Variants in ZMYND11 observed in about 807,000 individuals in gnomAD.
The protein encoded by ZMYND11 is zinc finger MYND-type containing 11.
In ZMYND11, 9 loss-of-function variants were observed where a neutral mutation model predicts 84.9. The observed-to-expected ratio is 0.11, with a 90% confidence interval of 0.06 to 0.18. ZMYND11 has a LOEUF of 0.18. Among genes scored for constraint, ZMYND11 ranks in the 10% least tolerant of loss-of-function variants. The pLI is 1.00. For synonymous variants in ZMYND11, 250 were observed against 244.1 expected (o/e 1.02, Z -0.23); for missense variants, 409 against 761.0 (o/e 0.54, Z 5.44).
At chr10:239,378 G>GTCC (rs1950511377) in intron 6 of ZMYND11, 60 bp from the exon 7 acceptor site, 2 of 1,382,782 alleles carry the variant, frequency 1.4e-6, no homozygotes, top group Non-Finnish European at 2.1e-6. Flanking sequence ...TGTGAACTTA[G>GTCC]TCCAGACAAG....
intron 4 of ZMYND11, 132 bp from the exon 5 acceptor site, chr10:236,704 GAT>G (rs767583416): frequency 1.1e-4 from 74 of 685,400 alleles, no homozygotes; most frequent in Non-Finnish European, 1.6e-4. Context: ...ATTTCTGTCA[GAT>G]ATGTTGGAAA....
chr10:204,967 A>G (rs1208979850), intron 2 of ZMYND11, among the ~76,000 whole-genome samples: 2 of 151,812 alleles, frequency 1.3e-5, no homozygotes, highest in African/African-American at 2.4e-5. Context: ...TTCTTTGTCT[A>G]TGCTGTTTTG....
chr10:200,737 CTG>C (rs2131093540), intron 2 of ZMYND11, among the ~76,000 whole-genome samples: 1 of 152,226 alleles, frequency 6.6e-6, no homozygotes, highest in East Asian at 1.9e-4. Flanking sequence ...TTGAGGGTGG[CTG>C]TCTTGATGCC....
chr10:206,473 A>G (rs1944195263), intron 2 of ZMYND11, among the ~76,000 whole-genome samples: 1 of 152,224 alleles, frequency 6.6e-6, no homozygotes, highest in South Asian at 2.1e-4. Context: ...TTAAAATCTC[A>G]TAATTTTATA....
chr10:243,570 G>C (rs1951491571), intron 10 of ZMYND11, among the ~76,000 whole-genome samples: 1 of 152,144 alleles, frequency 6.6e-6, no homozygotes, highest in African/African-American at 2.4e-5. Flanking sequence ...TATTTTTAAA[G>C]AATATTTGGG....
intron 1 of ZMYND11, among the ~76,000 whole-genome samples, chr10:152,576 C>G (rs181423050): frequency 6.6e-6 from 1 of 152,232 alleles, no homozygotes; most frequent in East Asian, 1.9e-4. Flanking sequence ...TCCTTAGAGA[C>G]CTACAAAAAG....
chr10:245,129 T>TA (rs1951850409), intron 10 of ZMYND11, among the ~76,000 whole-genome samples: 1 of 152,174 alleles, frequency 6.6e-6, no homozygotes, highest in African/African-American at 2.4e-5. Context: ...TACTCTGCAT[T>TA]AGAGTTTAGT....
At chr10:199,830 CT>C (rs34799298) in intron 2 of ZMYND11, among the ~76,000 whole-genome samples, 139,466 of 152,044 alleles carry the variant, frequency 0.92, 64,452 homozygotes, top group Non-Finnish European at 0.97. Flanking sequence ...CATTTAGTTC[CT>C]TTTTTTAACT....
At chr10:136,190 C>G (rs1835989294) in intron 1 of ZMYND11, among the ~76,000 whole-genome samples, 2 of 152,154 alleles carry the variant, frequency 1.3e-5, no homozygotes, top group South Asian at 4.1e-4. Context: ...CGCCGCCCTC[C>G]TCCCACCCAG....
chr10:135,831 A>AGAGGCCCCGGGAT lies in ZMYND11; in HGVS notation c.-20+283_-20+295dup, dbSNP rs1363859695. The stretch of plus-strand genomic sequence containing the variant: ...CCCACTCGCCTTGGGCGGCCGCGGA[A>AGAGGCCCCGGGAT]GAGGCCCCGGGATGAGGCCCCGGAG... On this transcript the variant is annotated intron_variant, in intron 1 of 14. Coordinates refer to ENST00000381604, the MANE Select transcript of ZMYND11 (RefSeq NM_001370100.5). This position sits in a 1 kb window ranked among gnomAD's most constrained non-coding sequence, Gnocchi z 5.6. Among the ~76,000 whole-genome samples, 1 of 149,874 alleles carries AGAGGCCCCGGGAT rather than the reference A, an allele frequency of 6.7e-6. No homozygotes were observed. The highest frequency in any genetic ancestry group is 1.5e-5 in the Non-Finnish European group (1 of 67,220).
intron 6 of ZMYND11, 82 bp downstream of exon 6, chr10:237,759 TTTTGGTTGCTC>T: frequency 9.2e-7 from 1 of 1,090,026 alleles, no homozygotes; most frequent in South Asian, 1.7e-5. Flanking sequence ...GTTAAGCAGA[TTTTGGTTGCTC>T]TTCTTTCCTT....
intron 1 of ZMYND11, among the ~76,000 whole-genome samples, chr10:170,639 T>C (rs1845109936): frequency 6.6e-6 from 1 of 152,218 alleles, no homozygotes; most frequent in East Asian, 1.9e-4. Context: ...TTAATTGTAA[T>C]GTATGTTGCA....
Position 135,859 on chromosome 10 carries a change from C to T in ZMYND11, c.-20+300C>T, listed in dbSNP as rs1166511204. 1.3e-5 allele frequency among the ~76,000 whole-genome samples: 2 copies of T among 150,830 alleles called. No homozygotes were observed. Among genetic ancestry groups the T allele is most frequent in the East Asian group, 2.0e-4 (1 of 5,124 alleles). Reference sequence around the variant, plus strand: ...GGCCCCGGGATGAGGCCCCGGAGGACCGCGCGGGGCCTGCTCGGGCCGGGA... The same window carrying T: ...GGCCCCGGGATGAGGCCCCGGAGGATCGCGCGGGGCCTGCTCGGGCCGGGA... On this transcript the variant is annotated intron_variant, in intron 1 of 14. Transcript: ENST00000381604. This position sits in a 1 kb window ranked among gnomAD's most constrained non-coding sequence, Gnocchi z 5.6.
chr10:201,698 A>G (rs1296821577), intron 2 of ZMYND11, among the ~76,000 whole-genome samples: 3 of 151,922 alleles, frequency 2.0e-5, no homozygotes, highest in Non-Finnish European at 4.4e-5. Flanking sequence ...TTGAGTACTC[A>G]GCGTCCCATG....
intron 2 of ZMYND11, among the ~76,000 whole-genome samples, chr10:207,506 T>G (rs1169795962): frequency 6.6e-6 from 1 of 152,166 alleles, no homozygotes; most frequent in Non-Finnish European, 1.5e-5. Flanking sequence ...ACCTGTTGTT[T>G]CCTGACTTTT....
intron 1 of ZMYND11, among the ~76,000 whole-genome samples, chr10:175,030 T>A (rs1197709939): frequency 6.6e-6 from 1 of 152,206 alleles, no homozygotes; most frequent in Non-Finnish European, 1.5e-5. Flanking sequence ...CACATGCTTG[T>A]CATTCATACG....
At chr10:210,072 CAT>C (rs772955868) in intron 3 of ZMYND11, 24 bp downstream of exon 3, 18 of 1,610,124 alleles carry the variant, frequency 1.1e-5, no homozygotes, top group Middle Eastern at 1.6e-4. Flanking sequence ...ATTTGATAAA[CAT>C]AGAGATGTGA....
chr10:196,761 A>T (rs189685832), intron 2 of ZMYND11, among the ~76,000 whole-genome samples: 1 of 152,352 alleles, frequency 6.6e-6, no homozygotes, highest in East Asian at 1.9e-4. Flanking sequence ...ATCCTGTTTC[A>T]TTGTAAGACA....
intron 2 of ZMYND11, among the ~76,000 whole-genome samples, chr10:206,691 C>G (rs1944231821): frequency 6.6e-6 from 1 of 151,886 alleles, no homozygotes; most frequent in Non-Finnish European, 1.5e-5. Flanking sequence ...TGAGTTTAGC[C>G]CATTTGTATT....
Sources: allele counts gnomAD v4.1 joint callset (sites outside exome capture counted in the v4.1 genomes callset), GRCh38; gene constraint gnomAD v4.1.1; non-coding constraint Gnocchi (gnomAD v3.1); transcripts MANE v1.5; gene names NCBI Gene and HGNC (gene_info 2026-07-23, HGNC 2026-07-21).